The following RPRD2 variants were observed in gnomAD, a reference collection of about 807,000 sequenced individuals.
RPRD2 encodes the protein regulation of nuclear pre-mRNA domain-containing protein 2.
In RPRD2, 12 loss-of-function variants were observed where a neutral mutation model predicts 104.4. The ratio of observed to expected loss-of-function variants is 0.11; its 90% CI spans 0.07 to 0.19. The LOEUF (loss-of-function observed/expected upper bound fraction) is 0.19, where lower values mean the gene tolerates loss of function less well. RPRD2 is among the 10% of genes least tolerant of loss of function. RPRD2 has a pLI of 1.00. For synonymous variants in RPRD2, 714 were observed against 684.9 expected, an observed-to-expected ratio of 1.04 and a Z score of -0.66; for missense variants, 1,543 against 1,790.1, an observed-to-expected ratio of 0.86 and a Z score of 2.49.
At chr1:150,464,864 A>T in intron 10 of RPRD2, 137 bp downstream of exon 10, 1 of 406,648 alleles carries the variant, frequency 2.5e-6, no homozygotes, top group Middle Eastern at 7.4e-4. Flanking sequence ...TTATTTATTT[A>T]TTTATTTATT....
chr1:150,415,535 A>T (rs57565292), intron 1 of RPRD2, among the ~76,000 whole-genome samples: 33,500 of 151,448 alleles, frequency 0.22, 4,175 homozygotes, highest in African/African-American at 0.32. Context: ...ATACAAAAAA[A>T]AATTAGCCAG....
chr1:150,375,625 T>G (rs1660628079), intron 1 of RPRD2, among the ~76,000 whole-genome samples: 1 of 152,344 alleles, frequency 6.6e-6, no homozygotes, highest in Non-Finnish European at 1.5e-5. Context: ...CCTGCCTTTC[T>G]TAAACTAATA....
chr1:150,383,461 C>T lies in RPRD2; in HGVS notation c.205+18542C>T, dbSNP rs12404557. 5.3e-3 allele frequency among the ~76,000 whole-genome samples: 812 copies of T among 151,932 alleles called. 22 individuals are homozygous for T. The highest frequency in any genetic ancestry group is 0.047 in the Admixed American group (722 of 15,240). On this transcript the variant is annotated intron_variant, in intron 1 of 10. Transcript: ENST00000369068. ...TCCTGAGTAGCTGGGATTACAGATG[C>T]GCGTGCCACCACGCCCAGCTAATTT...
chr1:150,425,279 AT>A (rs1162031068), intron 2 of RPRD2, among the ~76,000 whole-genome samples: 7 of 152,202 alleles, frequency 4.6e-5, no homozygotes, highest in Non-Finnish European at 8.8e-5. Flanking sequence ...CATTATTATT[AT>A]TAACAAATTA....
chr1:150,453,821 T>C (rs1261882080), intron 7 of RPRD2, among the ~76,000 whole-genome samples: 1 of 152,246 alleles, frequency 6.6e-6, no homozygotes, highest in Admixed American at 6.5e-5. Context: ...TGGATGATTT[T>C]TCTTCCTTTA....
intron 2 of RPRD2, among the ~76,000 whole-genome samples, chr1:150,428,804 CTG>C (rs1391257752): frequency 5.9e-5 from 9 of 152,134 alleles, no homozygotes; most frequent in African/African-American, 2.2e-4. Flanking sequence ...TTTTATGTAA[CTG>C]TGACATCTGG....
At chr1:150,368,707 A>AC (rs1201497686) in intron 1 of RPRD2, among the ~76,000 whole-genome samples, 1 of 151,842 alleles carries the variant, frequency 6.6e-6, no homozygotes, top group Non-Finnish European at 1.5e-5. Context: ...CAGGTGATCC[A>AC]CCTGCCTCTC....
intron 1 of RPRD2, among the ~76,000 whole-genome samples, chr1:150,380,257 A>G (rs1431312511): frequency 1.3e-5 from 2 of 152,182 alleles, no homozygotes; most frequent in African/African-American, 4.8e-5. Context: ...AAATTTAGCT[A>G]TTTGAAAAAT....
At chr1:150,453,088 G>A (rs1266636789) in intron 7 of RPRD2, among the ~76,000 whole-genome samples, 72 of 150,216 alleles carry the variant, frequency 4.8e-4, no homozygotes, top group African/African-American at 1.4e-3. Context: ...GCTGGAGCGC[G>A]GTGGCACAAT....
intron 2 of RPRD2, among the ~76,000 whole-genome samples, 196 bp downstream of exon 2, chr1:150,417,921 TCTTTCTTTCTTTCTTC>T (rs1664476745): frequency 7.1e-6 from 1 of 140,480 alleles, no homozygotes; most frequent in Non-Finnish European, 1.6e-5. Flanking sequence ...TCTCTCTCTC[TCTTTCTTTCTTTCTTC>T]CTTTCCTTTC....
chr1:150,429,096 CTT>C (rs781880204), intron 2 of RPRD2, among the ~76,000 whole-genome samples: 38 of 107,830 alleles, frequency 3.5e-4, no homozygotes, highest in Non-Finnish European at 4.0e-4. Flanking sequence ...TCAGTAGTGG[CTT>C]TTTTTTTTTT....
intron 10 of RPRD2, among the ~76,000 whole-genome samples, chr1:150,468,856 G>A (rs1668439716): frequency 6.6e-6 from 1 of 151,326 alleles, no homozygotes; most frequent in South Asian, 2.1e-4. Flanking sequence ...CAGCCTGGGT[G>A]ACAGAGCAAG....
At chr1:150,469,876 G>A (rs947458255) in intron 10 of RPRD2, among the ~76,000 whole-genome samples, 8 of 152,056 alleles carry the variant, frequency 5.3e-5, no homozygotes, top group African/African-American at 1.9e-4. Flanking sequence ...CAGTGTCCCT[G>A]GTGGTCTGTC....
chr1:150,387,826 G>A (rs587755015), intron 1 of RPRD2, among the ~76,000 whole-genome samples: 1 of 150,854 alleles, frequency 6.6e-6, no homozygotes, highest in African/African-American at 2.4e-5. Context: ...CTGACCTCAG[G>A]TGATTTGCCT....
chr1:150,372,746 G>A (rs1358779118), intron 1 of RPRD2, among the ~76,000 whole-genome samples: 1 of 152,018 alleles, frequency 6.6e-6, no homozygotes, highest in Non-Finnish European at 1.5e-5. Context: ...GGTATGAGGT[G>A]GGCATGTTCA....
rs10524632 is a variant in RPRD2, at chr1:150,395,365, T to TTGTGTGTGTGTGTGTGTGTG, written c.206-22215_206-22196dup. On this transcript the variant is annotated intron_variant, in intron 1 of 10. Coordinates refer to ENST00000369068, the MANE Select transcript of RPRD2 (RefSeq NM_015203.5). ...CTTTTCATGGCTGAGTAGTATTCCA[T>TTGTGTGTGTGTGTGTGTGTG]TGTGTGTGTGTGTGTGTGTGTGTGT... Among the ~76,000 whole-genome samples the TTGTGTGTGTGTGTGTGTGTG allele has an allele frequency of 3.3e-3, 478 of 144,154 alleles. 7 individuals are homozygous for TTGTGTGTGTGTGTGTGTGTG. The highest frequency in any genetic ancestry group is 0.01 in the African/African-American group (397 of 38,136). 94.6% of individuals were successfully genotyped at this position (144,154 alleles called of 152,430 possible). A position where few individuals can be genotyped will look rare whatever the true frequency, so the allele number is the denominator to read the frequency against.
intron 8 of RPRD2, 89 bp from the exon 9 acceptor site, chr1:150,459,971 G>C: frequency 7.4e-6 from 9 of 1,215,740 alleles, no homozygotes; most frequent in Non-Finnish European, 4.6e-6. Flanking sequence ...TTTCCCCCAA[G>C]TCCGGAAATA....
intron 2 of RPRD2, among the ~76,000 whole-genome samples, chr1:150,439,222 A>T (rs1238610372): frequency 1.3e-5 from 2 of 152,184 alleles, no homozygotes; most frequent in African/African-American, 4.8e-5. Flanking sequence ...CAAGATAACA[A>T]TTTCAGCATT....
chr1:150,377,505 G>A (rs1660801849), intron 1 of RPRD2, among the ~76,000 whole-genome samples: 1 of 152,008 alleles, frequency 6.6e-6, no homozygotes, highest in Admixed American at 6.6e-5. Context: ...GGCTGAGGCA[G>A]GAGGATGGTG....
Sources: allele counts gnomAD v4.1 joint callset (sites outside exome capture counted in the v4.1 genomes callset), GRCh38; gene constraint gnomAD v4.1.1; transcripts MANE v1.5; gene names NCBI Gene and HGNC (gene_info 2026-07-23, HGNC 2026-07-21).